The following STAG1 variants were observed in gnomAD, a reference collection of about 807,000 sequenced individuals.
STAG1 encodes cohesin subunit SA-1.
In STAG1, 26 loss-of-function variants were observed where a neutral mutation model predicts 170.9. That is an observed-to-expected ratio of 0.15 (90% confidence interval 0.11 to 0.21). STAG1 has a LOEUF of 0.21. STAG1 is among the 10% of genes least tolerant of loss of function. The pLI is 1.00. For missense variants in STAG1, 964 were observed against 1,509.5 expected (o/e 0.64, Z 5.99); for synonymous variants, 514 against 497.7 (o/e 1.03, Z -0.44).
Position 136,546,805 on chromosome 3 carries a change from A to G in STAG1, c.395-4610T>C, listed in dbSNP as rs1936173704. Among the ~76,000 whole-genome samples the G allele has an allele frequency of 3.9e-5, 6 of 152,344 alleles. No individual in the cohort carries two copies. In the South Asian group the frequency reaches 1.2e-3, roughly 32 times the overall value. ...TAGATGACATTGTATAATTGGCTCC[A>G]GTTACATAATTTAAGATTTAAATAT... On this transcript the variant is annotated intron_variant, in intron 5 of 33. Coordinates refer to ENST00000383202, the MANE Select transcript of STAG1 (RefSeq NM_005862.3).
intron 15 of STAG1, among the ~76,000 whole-genome samples, chr3:136,439,885 A>AAACC (rs2107757170): frequency 6.6e-6 from 1 of 152,322 alleles, no homozygotes; most frequent in East Asian, 1.9e-4. Flanking sequence ...TTTCTAGCTT[A>AAACC]AACCAACCAA....
At chr3:136,611,122 T>C (rs1939253155) in intron 3 of STAG1, among the ~76,000 whole-genome samples, 2 of 152,154 alleles carry the variant, frequency 1.3e-5, no homozygotes, top group South Asian at 4.1e-4. Context: ...ACATATACCT[T>C]ACACACACAG....
chr3:136,373,879 G>A (rs1427361303), intron 23 of STAG1, among the ~76,000 whole-genome samples: 1 of 152,170 alleles, frequency 6.6e-6, no homozygotes, highest in African/African-American at 2.4e-5. Context: ...GCAGAGTTGA[G>A]TTCAATTCCT....
At chr3:136,551,031 A>G (rs1178435822) in intron 5 of STAG1, among the ~76,000 whole-genome samples, 1 of 152,164 alleles carries the variant, frequency 6.6e-6, no homozygotes, top group Non-Finnish European at 1.5e-5. Flanking sequence ...TCTCCTTTGT[A>G]AATTACATTT....
intron 16 of STAG1, among the ~76,000 whole-genome samples, chr3:136,426,020 A>G (rs1179187688): frequency 1.3e-5 from 2 of 151,548 alleles, no homozygotes; most frequent in Non-Finnish European, 2.9e-5. Flanking sequence ...TGTCCCTTGA[A>G]CAACATAGTT....
At chr3:136,450,608 C>T (rs1184088954) in intron 14 of STAG1, among the ~76,000 whole-genome samples, 2 of 152,222 alleles carry the variant, frequency 1.3e-5, no homozygotes, top group African/African-American at 4.8e-5. Context: ...CTCTTACTCT[C>T]AAACTTGAGC....
At position 136,565,042 on chromosome 3, in the gene STAG1, AAGGGAGGGAGGGAGGGAGGGAGGG is replaced by A. The variant is rs1166702763; in HGVS notation, c.394+3699_394+3722del. On this transcript the variant is annotated intron_variant, in intron 5 of 33. Transcript: ENST00000383202. ...GGCAGGCAGGCAGGCAGGCAGGCAG[AAGGGAGGGAGGGAGGGAGGGAGGG>A]AGGGAGGGAGGGAGGGAGGGAGGGA... Among the ~76,000 whole-genome samples the A allele has an allele frequency of 1.2e-3, 14 of 11,496 alleles. 2 individuals are homozygous for A. Among genetic ancestry groups the A allele is most frequent in the South Asian group, 6.6e-3 (1 of 152 alleles). 7.5% of individuals were successfully genotyped at this position (11,496 alleles called of 152,430 possible).
intron 1 of STAG1, among the ~76,000 whole-genome samples, chr3:136,669,665 T>G (rs1429765964): frequency 6.6e-6 from 1 of 152,168 alleles, no homozygotes; most frequent in African/African-American, 2.4e-5. Flanking sequence ...AAGACATATT[T>G]TCTATACATT....
At chr3:136,609,774 T>C (rs761503517) in intron 3 of STAG1, among the ~76,000 whole-genome samples, 6 of 152,156 alleles carry the variant, frequency 3.9e-5, no homozygotes, top group Non-Finnish European at 7.3e-5. Flanking sequence ...TTTTTGTTTT[T>C]AAGAGGTGAA....
intron 1 of STAG1, among the ~76,000 whole-genome samples, chr3:136,722,155 T>C (rs1484007613): frequency 6.6e-6 from 1 of 150,700 alleles, no homozygotes; most frequent in Non-Finnish European, 1.5e-5. Context: ...CCCAGGAAGT[T>C]GAGGCTGCAG....
intron 14 of STAG1, among the ~76,000 whole-genome samples, chr3:136,451,615 T>C (rs2088944385): frequency 6.6e-6 from 1 of 151,960 alleles, no homozygotes; most frequent in Non-Finnish European, 1.5e-5. Flanking sequence ...ATACAAAAAT[T>C]AGCTGGGCGT....
rs1175276334 is a variant in STAG1, at chr3:136,374,629, AT to A, written c.2370+3030del. 3.3e-3 allele frequency among the ~76,000 whole-genome samples: 485 copies of A among 148,430 alleles called. 1 individual carries two copies. The highest frequency in any genetic ancestry group is 0.024 in the Middle Eastern group (7 of 288). On this transcript the variant is annotated intron_variant, in intron 23 of 33. Transcript: ENST00000383202. ...CAAAACTCCGTCTCAAAAAAAAAAA[AT>A]TTTTTTTTTTGTACAGCTGTTTAAT...
chr3:136,539,818 AAAG>A (rs1380967025), intron 6 of STAG1, among the ~76,000 whole-genome samples: 1 of 152,224 alleles, frequency 6.6e-6, no homozygotes, highest in African/African-American at 2.4e-5. Context: ...TGTTTGTAAC[AAAG>A]AATAGGAACC....
chr3:136,666,863 C>T (rs2107871139), intron 1 of STAG1, among the ~76,000 whole-genome samples: 1 of 150,846 alleles, frequency 6.6e-6, no homozygotes, highest in Middle Eastern at 3.4e-3. Context: ...GATTCAACTC[C>T]AAGTAGTGTG....
At chr3:136,589,081 G>C (rs759716491) in intron 4 of STAG1, among the ~76,000 whole-genome samples, 1 of 151,934 alleles carries the variant, frequency 6.6e-6, no homozygotes, top group Non-Finnish European at 1.5e-5. Flanking sequence ...AATAGACATG[G>C]GGTTTCACCA....
chr3:136,668,190 G>A (rs563831686), intron 1 of STAG1, among the ~76,000 whole-genome samples: 1 of 151,122 alleles, frequency 6.6e-6, no homozygotes, highest in South Asian at 2.1e-4. Context: ...GCGAGATCAT[G>A]CCACAATGCA....
intron 13 of STAG1, among the ~76,000 whole-genome samples, chr3:136,463,971 T>C (rs555906754): frequency 4.7e-5 from 7 of 150,204 alleles, no homozygotes; most frequent in African/African-American, 1.5e-4. Flanking sequence ...TTATAGAACA[T>C]ATACAGTAAA....
intron 1 of STAG1, among the ~76,000 whole-genome samples, chr3:136,693,754 G>C (rs1042453474): frequency 2.7e-5 from 4 of 150,756 alleles, no homozygotes; most frequent in African/African-American, 9.8e-5. Flanking sequence ...TTTTTTTTAA[G>C]AGACGGGGTC....
At chr3:136,737,753 AT>A (rs1934422574) in intron 1 of STAG1, among the ~76,000 whole-genome samples, 1 of 152,190 alleles carries the variant, frequency 6.6e-6, no homozygotes, top group African/African-American at 2.4e-5. Flanking sequence ...GAGGGAAGAA[AT>A]AGACAATAAA....
Sources: gnomAD v4.1 joint callset for allele counts (sites outside exome capture counted in the v4.1 genomes callset) on GRCh38, gnomAD v4.1.1 for gene constraint, MANE v1.5 for transcripts, NCBI Gene and HGNC (gene_info 2026-07-23, HGNC 2026-07-21) for gene names.